CRTAC1: variants seen among roughly 807,000 people sequenced by gnomAD.
CRTAC1 encodes acidic secreted protein in cartilage.
In CRTAC1, 37 loss-of-function variants were observed where a neutral mutation model predicts 67.8. The observed-to-expected ratio is 0.55, with a 90% CI of 0.42 to 0.72. The LOEUF (loss-of-function observed/expected upper bound fraction) is 0.72, where lower values mean the gene tolerates loss of function less well. Ranked by LOEUF, CRTAC1 falls within the 30% of genes least tolerant of loss-of-function variation. CRTAC1 has a pLI of 0.00. For missense variants in CRTAC1, 780 were observed against 931.6 expected (o/e 0.84, Z 2.12); for synonymous variants, 348 against 371.0 (o/e 0.94, Z 0.71).
At chr10:98,023,898 A>T (rs1843171407) in intron 1 of CRTAC1, among the ~76,000 whole-genome samples, 1 of 152,164 alleles carries the variant, frequency 6.6e-6, no homozygotes, top group African/African-American at 2.4e-5. Context: ...CCAGGGTCAG[A>T]CCTCATGTGA....
At chr10:97,933,875 G>C (rs1332933556) in intron 3 of CRTAC1, among the ~76,000 whole-genome samples, 1 of 152,182 alleles carries the variant, frequency 6.6e-6, no homozygotes, top group African/African-American at 2.4e-5. Context: ...CTGGTGACTG[G>C]GTCCCCCTCC....
At chr10:97,930,560 A>G (rs959791095) in intron 3 of CRTAC1, among the ~76,000 whole-genome samples, 13 of 152,198 alleles carry the variant, frequency 8.5e-5, no homozygotes, top group Non-Finnish European at 1.8e-4. Context: ...CTGCATTTTT[A>G]AGAGCACCCC....
At chr10:97,990,836 T>C (rs1280391214) in intron 2 of CRTAC1, among the ~76,000 whole-genome samples, 3 of 152,160 alleles carry the variant, frequency 2.0e-5, no homozygotes, top group Non-Finnish European at 1.5e-5. Flanking sequence ...GGTGAGACAT[T>C]GATTCATAGG....
At chr10:98,020,461 C>T (rs983264876) in intron 1 of CRTAC1, among the ~76,000 whole-genome samples, 1 of 152,224 alleles carries the variant, frequency 6.6e-6, no homozygotes, top group Non-Finnish European at 1.5e-5. Context: ...AAGTAACTTG[C>T]CCAAGGTCAC....
intron 2 of CRTAC1, among the ~76,000 whole-genome samples, chr10:97,997,389 G>A (rs898703912): frequency 2.1e-5 from 3 of 146,316 alleles, no homozygotes; most frequent in African/African-American, 7.6e-5. Context: ...GGAGGTGGAG[G>A]TTGCAGTGAG....
intron 11 of CRTAC1, among the ~76,000 whole-genome samples, chr10:97,886,589 G>A (rs960272895): frequency 3.9e-5 from 6 of 152,012 alleles, no homozygotes; most frequent in African/African-American, 1.5e-4. Context: ...AATTCCTTCT[G>A]CAGAAGCGGG....
intron 13 of CRTAC1, among the ~76,000 whole-genome samples, chr10:97,882,420 T>C (rs925530976): frequency 6.6e-5 from 10 of 152,216 alleles, no homozygotes; most frequent in African/African-American, 1.9e-4. Context: ...ATGCACACCC[T>C]TGCCTGCCAG....
chr10:97,940,497 G>T (rs975176461), intron 2 of CRTAC1, among the ~76,000 whole-genome samples: 3 of 152,272 alleles, frequency 2.0e-5, no homozygotes, highest in Admixed American at 1.3e-4. Flanking sequence ...GGGCCAGCAG[G>T]CAGGGGTGAT....
intron 2 of CRTAC1, among the ~76,000 whole-genome samples, chr10:97,974,133 G>A (rs2051759355): frequency 6.6e-6 from 1 of 152,164 alleles, no homozygotes; most frequent in Admixed American, 6.5e-5. Flanking sequence ...TTGTGTGCAG[G>A]AGATATTTTT....
At chr10:97,946,500 G>A (rs564200958) in intron 2 of CRTAC1, among the ~76,000 whole-genome samples, 17 of 152,312 alleles carry the variant, frequency 1.1e-4, no homozygotes, top group African/African-American at 4.1e-4. Context: ...CCAGAAAAGA[G>A]CTCTGATTGG....
At chr10:97,997,442 A>G (rs1842604360) in intron 2 of CRTAC1, among the ~76,000 whole-genome samples, 1 of 129,544 alleles carries the variant, frequency 7.7e-6, no homozygotes, top group South Asian at 2.6e-4. Context: ...ACAGAGGGAG[A>G]CTCTGTCTCA....
intron 3 of CRTAC1, among the ~76,000 whole-genome samples, chr10:97,935,379 G>A (rs528643510): frequency 6.6e-6 from 1 of 152,306 alleles, no homozygotes; most frequent in Non-Finnish European, 1.5e-5. Context: ...AGCCTTCTGG[G>A]CATCAATTTC....
chr10:97,980,523 A>G (rs2051876586), intron 2 of CRTAC1, among the ~76,000 whole-genome samples: 1 of 152,244 alleles, frequency 6.6e-6, no homozygotes, highest in African/African-American at 2.4e-5. Context: ...CCACTTCCAC[A>G]AAACGTTACA....
chr10:97,970,820 G>A lies in CRTAC1; in HGVS notation c.225-34454C>T, dbSNP rs187922087. Among the ~76,000 whole-genome samples, 38 of 152,294 alleles carry A rather than the reference G, an allele frequency of 2.5e-4. 1 individual carries two copies. The highest frequency in any genetic ancestry group is 1.3e-4 in the Non-Finnish European group (9 of 68,018). Reference sequence around the variant, plus strand: ...TGCCTAGATAGTGCCTGACACAGACGGGCAGTGCTACAAGAATGTCAGTGA... The same window carrying A: ...TGCCTAGATAGTGCCTGACACAGACAGGCAGTGCTACAAGAATGTCAGTGA... On this transcript the variant is annotated intron_variant, in intron 2 of 14. Coordinates refer to ENST00000370597, the MANE Select transcript of CRTAC1 (RefSeq NM_018058.7).
At chr10:97,887,772 A>T (rs1226468109) in intron 11 of CRTAC1, among the ~76,000 whole-genome samples, 1 of 152,182 alleles carries the variant, frequency 6.6e-6, no homozygotes, top group Non-Finnish European at 1.5e-5. Flanking sequence ...CAGCCTTTCT[A>T]CCCTGGAGCA....
intron 11 of CRTAC1, among the ~76,000 whole-genome samples, chr10:97,885,111 T>A (rs1400419539): frequency 6.6e-6 from 1 of 152,066 alleles, no homozygotes; most frequent in Non-Finnish European, 1.5e-5. Flanking sequence ...GGCAAGTAGG[T>A]AAGGAGGAGC....
rs1842657976 is a variant in CRTAC1, at chr10:98,000,017, T to C, written c.224+11121A>G. 2.0e-5 allele frequency among the ~76,000 whole-genome samples: 3 copies of C among 152,028 alleles called. No individual in the cohort carries two copies. In the South Asian group the frequency reaches 6.2e-4, roughly 32 times the overall value. ...ACCCTCTCTGCTAGGAGCTGAACAC[T>C]CGACAGGACACCCTGGCTGCAGAAA... On this transcript the variant is annotated intron_variant, in intron 2 of 14. Coordinates refer to ENST00000370597, the MANE Select transcript of CRTAC1 (RefSeq NM_018058.7).
At chr10:97,973,943 G>T (rs1295440760) in intron 2 of CRTAC1, among the ~76,000 whole-genome samples, 1 of 140,700 alleles carries the variant, frequency 7.1e-6, no homozygotes, top group East Asian at 2.0e-4. Flanking sequence ...GACAGCCATC[G>T]CATTCTTTGT....
At chr10:97,926,092 C>T (rs958769291) in intron 3 of CRTAC1, among the ~76,000 whole-genome samples, 1 of 152,168 alleles carries the variant, frequency 6.6e-6, no homozygotes, top group Non-Finnish European at 1.5e-5. Flanking sequence ...GAGGAAAAGT[C>T]CCTTCCGCTG....
Sources: allele counts gnomAD v4.1 joint callset (sites outside exome capture counted in the v4.1 genomes callset), GRCh38; gene constraint gnomAD v4.1.1; transcripts MANE v1.5; gene names NCBI Gene and HGNC (gene_info 2026-07-23, HGNC 2026-07-21).